Variants in XKR6 observed in about 807,000 individuals in gnomAD.
XKR6 encodes XK-related protein 6.
A neutral mutation model predicts 56.7 loss-of-function variants in XKR6; 22 were observed. The observed-to-expected ratio is 0.39, with a 90% CI of 0.28 to 0.55. The LOEUF is 0.55. Ranked by LOEUF, XKR6 falls within the 20% of genes least tolerant of loss-of-function variation. The pLI is 0.66. For synonymous variants in XKR6, 524 were observed against 387.8 expected (o/e 1.35, Z -4.13); for missense variants, 852 against 889.0 (o/e 0.96, Z 0.53).
chr8:11,013,177 C>G (rs1798538859), intron 1 of XKR6, among the ~76,000 whole-genome samples: 2 of 152,280 alleles, frequency 1.3e-5, no homozygotes, highest in African/African-American at 4.8e-5. Context: ...ACCCTAAGAG[C>G]AGATACCATC....
At chr8:11,179,181 G>A (rs1433672461) in intron 1 of XKR6, among the ~76,000 whole-genome samples, 1 of 151,736 alleles carries the variant, frequency 6.6e-6, no homozygotes, top group East Asian at 1.9e-4. Flanking sequence ...CATTTTGATT[G>A]GTTTCGGTTC....
intron 1 of XKR6, among the ~76,000 whole-genome samples, chr8:10,938,406 C>G (rs372824835): frequency 1.3e-5 from 2 of 152,202 alleles, no homozygotes; most frequent in African/African-American, 4.8e-5. Flanking sequence ...TGTTCCTATT[C>G]GGCCATCTTG....
chr8:11,118,992 G>C (rs748397784), intron 1 of XKR6, among the ~76,000 whole-genome samples: 1 of 152,066 alleles, frequency 6.6e-6, no homozygotes, highest in Non-Finnish European at 1.5e-5. Context: ...GTCTCTGAGA[G>C]ATTCTGGTAT....
chr8:10,906,145 C>G (rs4326350), intron 2 of XKR6, among the ~76,000 whole-genome samples: 73,425 of 152,050 alleles, frequency 0.48, 19,067 homozygotes, highest in African/African-American at 0.63. Flanking sequence ...CTGGCCAATT[C>G]TTAAACTGTA....
chr8:10,996,830 T>C (rs538460819), intron 1 of XKR6, among the ~76,000 whole-genome samples: 1 of 152,088 alleles, frequency 6.6e-6, no homozygotes, highest in South Asian at 2.1e-4. Context: ...CTAAGCAACA[T>C]AGTGGCACAT....
intron 1 of XKR6, among the ~76,000 whole-genome samples, chr8:11,032,892 G>C (rs938425080): frequency 6.6e-6 from 1 of 152,192 alleles, no homozygotes; most frequent in African/African-American, 2.4e-5. Context: ...TTTGCTGGTG[G>C]TGGAGATGGT....
chr8:11,076,262 G>C (rs562860767), intron 1 of XKR6, among the ~76,000 whole-genome samples: 22 of 152,186 alleles, frequency 1.4e-4, no homozygotes, highest in Non-Finnish European at 3.2e-4. Context: ...TGGATTTTTA[G>C]TTTTACACAG....
chr8:11,161,103 C>T (rs1007673761), intron 1 of XKR6, among the ~76,000 whole-genome samples: 9 of 151,976 alleles, frequency 5.9e-5, no homozygotes, highest in African/African-American at 2.2e-4. Context: ...GTTAAAACAT[C>T]CAGTCAAATC....
At chr8:11,181,172 G>C (rs1802956452) in intron 1 of XKR6, among the ~76,000 whole-genome samples, 1 of 152,102 alleles carries the variant, frequency 6.6e-6, no homozygotes, top group Non-Finnish European at 1.5e-5. Context: ...TTGGTGAGGG[G>C]ATTTTAAAGG....
At chr8:11,135,723 G>GA (rs969425818) in intron 1 of XKR6, among the ~76,000 whole-genome samples, 1 of 147,774 alleles carries the variant, frequency 6.8e-6, no homozygotes, top group Non-Finnish European at 1.5e-5. Flanking sequence ...AATAAAAGGA[G>GA]AAAAAAATTA....
In XKR6 at chr8:11,011,228, C is replaced by G. The variant is rs150828263; in HGVS notation, c.765-86398G>C. On this transcript the variant is annotated intron_variant, in intron 1 of 2. Transcript: ENST00000416569. ...AGGAATGGACTAGCACAGAAACAAG[C>G]ATTTCAACAATACAGTGACATCAGT... Among the ~76,000 whole-genome samples the G allele has an allele frequency of 1.9e-3, 285 of 152,338 alleles. 1 individual carries two copies. Among genetic ancestry groups the G allele is most frequent in the African/African-American group, 6.5e-3 (271 of 41,570 alleles).
chr8:11,184,380 TACACAC>T lies in XKR6; in HGVS notation c.764+16190_764+16195del, dbSNP rs1563202233. 2.7e-3 allele frequency among the ~76,000 whole-genome samples: 343 copies of T among 128,828 alleles called. 1 individual carries two copies. Among genetic ancestry groups the T allele is most frequent in the Middle Eastern group, 0.012 (3 of 254 alleles). The allele number at this position is 128,828 out of a possible 152,430, so 84.5% of individuals were successfully genotyped here. On this transcript the variant is annotated intron_variant, in intron 1 of 2. Transcript: ENST00000416569. ...TAAATACATATTTTATATATATATA[TACACAC>T]ATACACACACACACACACACACACA...
At chr8:10,981,137 A>G (rs1297018126) in intron 1 of XKR6, among the ~76,000 whole-genome samples, 1 of 152,206 alleles carries the variant, frequency 6.6e-6, no homozygotes, top group African/African-American at 2.4e-5. Context: ...AGGCCCAGAC[A>G]ACAGATTAAT....
At chr8:10,950,538 CTTG>C (rs1185572437) in intron 1 of XKR6, among the ~76,000 whole-genome samples, 1 of 152,172 alleles carries the variant, frequency 6.6e-6, no homozygotes, top group Non-Finnish European at 1.5e-5. Flanking sequence ...ACAAGGGTCT[CTTG>C]TTGGATTCTC....
chr8:11,181,653 G>A (rs1585027441), intron 1 of XKR6, among the ~76,000 whole-genome samples: 1 of 152,210 alleles, frequency 6.6e-6, no homozygotes, highest in Non-Finnish European at 1.5e-5. Flanking sequence ...AAAATTTGGT[G>A]AGGAAGAACC....
At chr8:11,118,487 C>G (rs1252426346) in intron 1 of XKR6, among the ~76,000 whole-genome samples, 1 of 152,140 alleles carries the variant, frequency 6.6e-6, no homozygotes, top group African/African-American at 2.4e-5. Context: ...AATTTCAGAG[C>G]CTGTTATTGG....
chr8:10,941,262 C>T (rs1801377808), intron 1 of XKR6, among the ~76,000 whole-genome samples: 1 of 152,182 alleles, frequency 6.6e-6, no homozygotes, highest in Non-Finnish European at 1.5e-5. Context: ...TGACTGTCTG[C>T]AGGTTGGTTC....
rs377426725 is a variant in XKR6 at position 10,954,338 on chromosome 8, T to C, written c.765-29508A>G. ...TCCTTGTCAACACTTGTTATTGTCT[T>C]TTTGTTTTTAGCCATCCAAGTGGGT... On this transcript the variant is annotated intron_variant, in intron 1 of 2. Transcript: ENST00000416569. Among the ~76,000 whole-genome samples, 8 of 152,364 alleles carry C rather than the reference T, an allele frequency of 5.3e-5. No individual in the cohort carries two copies. In the South Asian group the frequency reaches 1.7e-3, roughly 32 times the overall value.
intron 1 of XKR6, among the ~76,000 whole-genome samples, chr8:10,941,579 C>T (rs1254306489): frequency 1.3e-5 from 2 of 152,206 alleles, no homozygotes; most frequent in African/African-American, 4.8e-5. Flanking sequence ...GCACTGGGTC[C>T]CCAGCCCCTA....
Sources: allele counts gnomAD v4.1 joint callset (sites outside exome capture counted in the v4.1 genomes callset), GRCh38; gene constraint gnomAD v4.1.1; transcripts MANE v1.5; gene names NCBI Gene and HGNC (gene_info 2026-07-23, HGNC 2026-07-21).